TRERF1: variants seen among roughly 807,000 people sequenced by gnomAD.
TRERF1 encodes the protein transcriptional-regulating factor 1.
A neutral mutation model predicts 122.9 loss-of-function variants in TRERF1; 27 were observed. The observed-to-expected ratio is 0.22, with a 90% confidence interval of 0.16 to 0.30. The LOEUF is 0.30. TRERF1 is among the 10% of genes least tolerant of loss of function. The pLI is 1.00. For synonymous variants in TRERF1, 636 were observed against 641.7 expected (o/e 0.99, Z 0.13); for missense variants, 1,248 against 1,560.3 (o/e 0.80, Z 3.37).
At chr6:42,378,579 G>C (rs1775321892) in intron 2 of TRERF1, among the ~76,000 whole-genome samples, 2 of 152,118 alleles carry the variant, frequency 1.3e-5, no homozygotes, top group African/African-American at 4.8e-5. Context: ...TACTAGAAGG[G>C]ACCTTGGGAA....
chr6:42,240,987 G>C (rs1489001636), intron 15 of TRERF1, among the ~76,000 whole-genome samples: 9 of 152,088 alleles, frequency 5.9e-5, no homozygotes. Flanking sequence ...CCACCTCCCG[G>C]GTTCAGGCAA....
Position 42,228,772 on chromosome 6 carries a change from C to T in TRERF1, c.3279-103G>A. ...ATGGGGGTGTGTGGTCTGACAAAGT[C>T]CCTGGCTGCTCGGCTTCTAGGACCT... On this transcript the variant is annotated intron_variant, in intron 17 of 17. Coordinates refer to ENST00000372922, the Ensembl canonical transcript of TRERF1. This position sits in a 1 kb window ranked among gnomAD's most constrained non-coding sequence, Gnocchi z 4.2. 1 of 1,206,494 alleles carries T rather than the reference C, an allele frequency of 8.3e-7. No individual in the cohort carries two copies. Among genetic ancestry groups the T allele is most frequent in the South Asian group, 1.5e-5 (1 of 66,348 alleles). The allele number at this position is 1,206,494 out of a possible 1,614,324, so 74.7% of individuals were successfully genotyped here.
chr6:42,258,177 G>A (rs376109889), exon 10 of TRERF1: 5 of 1,614,154 alleles, frequency 3.1e-6, no homozygotes, highest in African/African-American at 1.3e-5. Flanking sequence ...TGGGGTGACC[G>A]TCACGTTGCT....
chr6:42,238,998 C>T (rs888761712), intron 15 of TRERF1, among the ~76,000 whole-genome samples: 1 of 152,144 alleles, frequency 6.6e-6, no homozygotes, highest in Non-Finnish European at 1.5e-5. Context: ...AAAACCTGGC[C>T]TATCTTATTC....
chr6:42,272,564 C>T (rs1475235357), intron 4 of TRERF1, among the ~76,000 whole-genome samples: 1 of 152,146 alleles, frequency 6.6e-6, no homozygotes, highest in African/African-American at 2.4e-5. Context: ...GATGCCCACC[C>T]CCAAGTGAGT....
intron 2 of TRERF1, among the ~76,000 whole-genome samples, chr6:42,404,446 G>A (rs1015231480): frequency 1.3e-5 from 2 of 151,968 alleles, no homozygotes; most frequent in African/African-American, 4.8e-5. Context: ...CTGTGGCCAC[G>A]TGATGCATTT....
intron 4 of TRERF1, among the ~76,000 whole-genome samples, chr6:42,280,771 C>T (rs990883791): frequency 2.0e-5 from 3 of 152,112 alleles, no homozygotes; most frequent in African/African-American, 7.2e-5. Flanking sequence ...GGGAGGAGGC[C>T]TGGAAGCCAA....
intron 3 of TRERF1, among the ~76,000 whole-genome samples, chr6:42,343,604 G>C (rs552451098): frequency 1.6e-4 from 24 of 152,292 alleles, no homozygotes; most frequent in African/African-American, 5.3e-4. Context: ...CCTTTGAAGT[G>C]TGTTATCCTA....
chr6:42,381,316 C>T (rs67760012), intron 2 of TRERF1, among the ~76,000 whole-genome samples: 30,802 of 149,540 alleles, frequency 0.21, 6,568 homozygotes, highest in African/African-American at 0.55. Context: ...TTTGGTGGTT[C>T]CTTAAAACAA....
chr6:42,425,481 A>G (rs549589519), intron 2 of TRERF1, among the ~76,000 whole-genome samples: 1 of 143,492 alleles, frequency 7.0e-6, no homozygotes, highest in Non-Finnish European at 1.5e-5. Context: ...GTGTGGCCCC[A>G]GAGCCCATGC....
chr6:42,375,954 G>A (rs1038387445), intron 2 of TRERF1, among the ~76,000 whole-genome samples: 3 of 152,076 alleles, frequency 2.0e-5, no homozygotes, highest in East Asian at 1.9e-4. Flanking sequence ...AATGAAACCC[G>A]ATTAGAAGCT....
intron 3 of TRERF1, among the ~76,000 whole-genome samples, chr6:42,330,282 T>A (rs1347902190): frequency 6.6e-6 from 1 of 152,142 alleles, no homozygotes; most frequent in East Asian, 1.9e-4. Context: ...TTTAAAATCA[T>A]ACTGCAGTGT....
chr6:42,450,155 CTG>C (rs1449750490), intron 2 of TRERF1, among the ~76,000 whole-genome samples: 1 of 152,236 alleles, frequency 6.6e-6, no homozygotes, highest in Non-Finnish European at 1.5e-5. Flanking sequence ...AGGACTCCTG[CTG>C]TTATCCTCTC....
chr6:42,264,738 T>G, exon 7 of TRERF1: 1 of 1,614,176 alleles, frequency 6.2e-7, no homozygotes. Flanking sequence ...CATTCCCCCG[T>G]GGGACCGCAT....
intron 6 of TRERF1, 73 bp downstream of exon 6, chr6:42,265,678 A>G (rs755151825): frequency 2.7e-6 from 4 of 1,469,848 alleles, no homozygotes; most frequent in Non-Finnish European, 2.8e-6. Flanking sequence ...GGAATTTAAA[A>G]ATGAATCATG....
intron 4 of TRERF1, among the ~76,000 whole-genome samples, chr6:42,282,357 G>A (rs755437812): frequency 6.6e-6 from 1 of 152,218 alleles, no homozygotes; most frequent in Non-Finnish European, 1.5e-5. Context: ...AGACCAGTCT[G>A]GGCAACATGG....
chr6:42,448,866 T>A (rs1378650443), intron 2 of TRERF1, among the ~76,000 whole-genome samples: 1 of 152,152 alleles, frequency 6.6e-6, no homozygotes, highest in Non-Finnish European at 1.5e-5. Context: ...TCACAGAGAA[T>A]CCTTACATTT....
rs374776221 is a variant in TRERF1, at chr6:42,332,244, G to C, written c.-371+30753C>G. 7.2e-5 allele frequency among the ~76,000 whole-genome samples: 11 copies of C among 152,320 alleles called. 1 individual carries two copies. In the South Asian group the frequency reaches 2.3e-3, roughly 32 times the overall value. ...AGGCGTGTGCCACCGCGCCCAGCGGGGAAACATTCTAAACCAGCCATGACA... is the reference window on the plus strand; with the variant it reads ...AGGCGTGTGCCACCGCGCCCAGCGGCGAAACATTCTAAACCAGCCATGACA... On this transcript the variant is annotated intron_variant, in intron 3 of 17. Coordinates refer to ENST00000372922, the Ensembl canonical transcript of TRERF1.
At chr6:42,294,798 T>A (rs1165161477) in intron 4 of TRERF1, among the ~76,000 whole-genome samples, 3 of 152,172 alleles carry the variant, frequency 2.0e-5, no homozygotes, top group Non-Finnish European at 4.4e-5. Flanking sequence ...ATTGTTGCAA[T>A]GTACAGAGCT....
Sources: gnomAD v4.1 joint callset for allele counts (sites outside exome capture counted in the v4.1 genomes callset) on GRCh38, gnomAD v4.1.1 for gene constraint, Gnocchi (gnomAD v3.1) non-coding constraint, MANE v1.5 for transcripts, NCBI Gene and HGNC (gene_info 2026-07-23, HGNC 2026-07-21) for gene names.